The following ASTN2 variants were observed in gnomAD, a reference collection of about 807,000 sequenced individuals.
ASTN2 encodes astrotactin 2.
ASTN2 carries 54 observed loss-of-function variants against 139.8 expected under a neutral mutation model. The observed-to-expected ratio is 0.39, with a 90% CI of 0.31 to 0.48. The LOEUF is 0.48. ASTN2 is among the 20% of genes least tolerant of loss of function. The pLI is 0.95. For missense variants in ASTN2, 1,565 were observed against 1,725.1 expected, an observed-to-expected ratio of 0.91 and a Z score of 1.64; for synonymous variants, 756 against 719.5, an observed-to-expected ratio of 1.05 and a Z score of -0.81.
intron 16 of ASTN2, among the ~76,000 whole-genome samples, chr9:116,693,367 TACTACCTTGGTTACTC>T (rs1439196361): frequency 6.6e-6 from 1 of 152,236 alleles, no homozygotes; most frequent in Non-Finnish European, 1.5e-5. Flanking sequence ...TTGCTTTTTC[TACTACCTTGGTTACTC>T]ATTTCATGGA....
chr9:116,946,085 A>G (rs1835386268), intron 10 of ASTN2, among the ~76,000 whole-genome samples: 1 of 152,216 alleles, frequency 6.6e-6, no homozygotes. Flanking sequence ...CTCACTTACT[A>G]TCATGAGAAC....
intron 12 of ASTN2, among the ~76,000 whole-genome samples, chr9:116,809,155 A>G (rs1485054671): frequency 2.0e-5 from 3 of 152,054 alleles, no homozygotes; most frequent in African/African-American, 7.2e-5. Flanking sequence ...AAATTTGTGC[A>G]ATGTTTAGAA....
At chr9:117,242,701 C>G (rs1833252325) in intron 2 of ASTN2, among the ~76,000 whole-genome samples, 2 of 152,164 alleles carry the variant, frequency 1.3e-5, no homozygotes, top group South Asian at 4.1e-4. Flanking sequence ...GTAGAAAAAC[C>G]TGCTGTTCCA....
chr9:116,955,911 T>C (rs1349765187), intron 10 of ASTN2, among the ~76,000 whole-genome samples: 3 of 152,248 alleles, frequency 2.0e-5, no homozygotes, highest in East Asian at 1.9e-4. Context: ...ACTGGAAAAC[T>C]AAACAAGAAA....
intron 17 of ASTN2, among the ~76,000 whole-genome samples, chr9:116,623,670 C>A (rs554503259): frequency 6.6e-6 from 1 of 152,292 alleles, no homozygotes; most frequent in South Asian, 2.1e-4. Flanking sequence ...GGTGATAGAA[C>A]AACTTCACGA....
intron 19 of ASTN2, chr9:116,504,212 A>G (rs1850008833): frequency 6.6e-6 from 1 of 152,204 alleles, no homozygotes; most frequent in South Asian, 2.1e-4. Context: ...TTAGAACAAG[A>G]CACTTGATCA....
intron 2 of ASTN2, among the ~76,000 whole-genome samples, chr9:117,290,734 TC>T (rs1317805040): frequency 6.6e-6 from 1 of 152,208 alleles, no homozygotes; most frequent in Non-Finnish European, 1.5e-5. Context: ...AGTAGTTCCA[TC>T]ATTCGCTGGC....
chr9:116,457,027 C>T (rs960155586), intron 20 of ASTN2, among the ~76,000 whole-genome samples: 1 of 151,994 alleles, frequency 6.6e-6, no homozygotes, highest in South Asian at 2.1e-4. Context: ...GAATAGAATA[C>T]AGAACTCAGA....
intron 3 of ASTN2, among the ~76,000 whole-genome samples, chr9:117,190,976 A>G (rs1390369659): frequency 6.6e-6 from 1 of 152,170 alleles, no homozygotes; most frequent in Non-Finnish European, 1.5e-5. Flanking sequence ...TTCCTGACAC[A>G]CAGTAGGTAC....
chr9:117,060,388 A>G (rs1295648132), intron 5 of ASTN2, among the ~76,000 whole-genome samples: 20 of 80,072 alleles, frequency 2.5e-4, no homozygotes, highest in African/African-American at 1.3e-3. Context: ...GAAAGAAAGA[A>G]AGAAAGAAAG....
chr9:116,487,593 C>A, intron 19 of ASTN2, 93 bp from the exon 20 acceptor site: 1 of 1,208,758 alleles, frequency 8.3e-7, no homozygotes, highest in Non-Finnish European at 1.1e-6. Flanking sequence ...TGTCTTGATA[C>A]CATTATCAAG....
intron 2 of ASTN2, among the ~76,000 whole-genome samples, chr9:117,219,397 G>A (rs1346986912): frequency 6.6e-6 from 1 of 152,150 alleles, no homozygotes; most frequent in Admixed American, 6.5e-5. Context: ...CGGCAAAAGG[G>A]GAGCTGAGGA....
intron 6 of ASTN2, among the ~76,000 whole-genome samples, chr9:117,035,469 C>T (rs189245198): frequency 2.1e-4 from 32 of 152,234 alleles, no homozygotes; most frequent in Admixed American, 1.1e-3. Flanking sequence ...TCCCTCTCAT[C>T]CCCCTATGTA....
intron 20 of ASTN2, among the ~76,000 whole-genome samples, chr9:116,454,303 T>C (rs1848261486): frequency 6.6e-6 from 1 of 152,024 alleles, no homozygotes; most frequent in Non-Finnish European, 1.5e-5. Context: ...AACAGAGATA[T>C]CAAAGTAGAA....
At chr9:117,337,404 A>G (rs1828921183) in intron 1 of ASTN2, among the ~76,000 whole-genome samples, 1 of 152,128 alleles carries the variant, frequency 6.6e-6, no homozygotes, top group South Asian at 2.1e-4. Context: ...ATAAAAAGAG[A>G]GGTCATTTTT....
chr9:116,720,501 T>A (rs1446936759), intron 16 of ASTN2, among the ~76,000 whole-genome samples: 2 of 152,024 alleles, frequency 1.3e-5, no homozygotes, highest in African/African-American at 4.8e-5. Context: ...CTTTGTGGAT[T>A]TTGGTGTGCC....
chr9:116,831,056 A>G (rs568067387), intron 11 of ASTN2, among the ~76,000 whole-genome samples: 111 of 152,264 alleles, frequency 7.3e-4, no homozygotes, highest in African/African-American at 2.6e-3. Flanking sequence ...CATGGATAGA[A>G]CTGGAGGCCT....
chr9:117,362,031 G>A (rs1420609350), intron 1 of ASTN2, among the ~76,000 whole-genome samples: 1 of 152,148 alleles, frequency 6.6e-6, no homozygotes, highest in Non-Finnish European at 1.5e-5. Flanking sequence ...CTGGAGTGCA[G>A]TAGCGCAATC....
At chr9:116,733,314 A>T in intron 14 of ASTN2, 85 bp downstream of exon 14, 1 of 1,540,510 alleles carries the variant, frequency 6.5e-7, no homozygotes, top group Non-Finnish European at 8.9e-7. Flanking sequence ...CCCATCTTGG[A>T]TCTGCTGAAG....
Sources: gnomAD v4.1 joint callset for allele counts (sites outside exome capture counted in the v4.1 genomes callset) on GRCh38, gnomAD v4.1.1 for gene constraint, MANE v1.5 for transcripts, NCBI Gene and HGNC (gene_info 2026-07-23, HGNC 2026-07-21) for gene names.